Variants in GRIA3 observed in about 807,000 individuals in gnomAD.
The protein encoded by GRIA3 is glutamate receptor 3.
GRIA3 carries 3 observed loss-of-function variants against 63.0 expected under a neutral mutation model. The ratio of observed to expected loss-of-function variants is 0.05; its 90% CI spans 0.02 to 0.12. GRIA3 has a LOEUF of 0.12. GRIA3 is among the 10% of genes least tolerant of loss of function. The pLI is 1.00. For missense variants in GRIA3, 347 were observed against 700.9 expected, an observed-to-expected ratio of 0.50 and a Z score of 5.70; for synonymous variants, 274 against 257.9, an observed-to-expected ratio of 1.06 and a Z score of -0.60.
intron 3 of GRIA3, among the ~76,000 whole-genome samples, chrX:123,289,674 C>G (rs2044643871): frequency 9.1e-6 from 1 of 109,701 alleles, no homozygotes; most frequent in African/African-American, 3.3e-5. Context: ...CCACCACTTC[C>G]CCTTTCCTGC....
intron 2 of GRIA3, among the ~76,000 whole-genome samples, chrX:123,222,260 TA>T (rs2147266027): frequency 8.9e-6 from 1 of 112,066 alleles, no homozygotes; most frequent in South Asian, 3.7e-4. Context: ...GCACAGTACT[TA>T]ACACATAGCA....
At chrX:123,194,613 A>AATCAC (rs1368681447) in intron 2 of GRIA3, among the ~76,000 whole-genome samples, 1 of 112,310 alleles carries the variant, frequency 8.9e-6, no homozygotes, top group African/African-American at 3.2e-5. Context: ...CTTGCTTTAG[A>AATCAC]ATCACCAGAG....
intron 3 of GRIA3, among the ~76,000 whole-genome samples, chrX:123,273,415 C>CA (rs2044535380): frequency 8.9e-6 from 1 of 111,830 alleles, no homozygotes; most frequent in African/African-American, 3.3e-5. Flanking sequence ...AATTCCAAGG[C>CA]AAAAATCATT....
chrX:123,413,838 T>A (rs759899915), intron 10 of GRIA3, among the ~76,000 whole-genome samples: 1 of 111,088 alleles, frequency 9.0e-6, no homozygotes, highest in Non-Finnish European at 1.9e-5. Flanking sequence ...CTCTGAATAG[T>A]CCCTTGGGGT....
At chrX:123,427,618 A>T (rs1343014144) in intron 11 of GRIA3, among the ~76,000 whole-genome samples, 1 of 111,625 alleles carries the variant, frequency 9.0e-6, no homozygotes, top group African/African-American at 3.3e-5. Context: ...TGAAGCTGGA[A>T]GATAGCTAGA....
chrX:123,428,210 G>A, intron 12 of GRIA3, 71 bp downstream of exon 12: 1 of 703,097 alleles, frequency 1.4e-6, no homozygotes, highest in Non-Finnish European at 2.3e-6. Flanking sequence ...CAAGTTCACA[G>A]TGCTTTTAAG....
rs747254679 is a variant in GRIA3 at position 123,257,105 on chromosome X, C to T, written c.508+3563C>T. On this transcript the variant is annotated intron_variant, in intron 3 of 15. Coordinates refer to ENST00000620443, the MANE Select transcript of GRIA3 (RefSeq NM_007325.5). ...GCCTACCTCTAAACACCCACAGAAC[C>T]CTTCTGTCCATGTCATTCATCTGGC... Among the ~76,000 whole-genome samples, 8 of 111,093 alleles carry T rather than the reference C, an allele frequency of 7.2e-5. No homozygotes were observed. In the South Asian group the frequency reaches 1.2e-3, roughly 16 times the overall value.
intron 2 of GRIA3, among the ~76,000 whole-genome samples, chrX:123,200,588 TATACACACACACACATACATACAC>T (rs1342480832): frequency 8.8e-5 from 8 of 91,355 alleles, no homozygotes; most frequent in Admixed American, 2.6e-4. Flanking sequence ...TATATATACA[TATACACACACACACATACATACAC>T]ACACACACAC....
At position 123,403,395 on chromosome X, in the gene GRIA3, A is replaced by G. The variant is rs753675732; in HGVS notation, c.1186-17A>G. The G allele has an allele frequency of 1.3e-5, 14 of 1,049,735 alleles. No individual in the cohort carries two copies. The highest frequency in any genetic ancestry group is 1.8e-5 in the African/African-American group (1 of 54,303). 86.5% of individuals were successfully genotyped at this position (1,049,735 alleles called of 1,213,427 possible). A position where few individuals can be genotyped will look rare whatever the true frequency, so the allele number is the denominator to read the frequency against. Reference sequence around the variant, plus strand: ...AGGGAAAAATAGGCATCCAGGTCAAATGTCTTCTCTTTCTAGGCTGGCTAC... The same window carrying G: ...AGGGAAAAATAGGCATCCAGGTCAAGTGTCTTCTCTTTCTAGGCTGGCTAC... On this transcript the variant is annotated splice_polypyrimidine_tract_variant and intron_variant, in intron 8 of 15. Transcript: ENST00000620443.
intron 4 of GRIA3, among the ~76,000 whole-genome samples, chrX:123,350,342 G>C (rs760299994): frequency 9.0e-6 from 1 of 110,517 alleles, no homozygotes; most frequent in South Asian, 3.9e-4. Flanking sequence ...AGATACTTAG[G>C]TCTACAAATA....
chrX:123,453,446 T>C lies in GRIA3; in HGVS notation c.2077-11419T>C, dbSNP rs1396278560. On this transcript the variant is annotated intron_variant, in intron 12 of 15. Coordinates refer to ENST00000620443, the MANE Select transcript of GRIA3 (RefSeq NM_007325.5). The stretch of plus-strand genomic sequence containing the variant: ...TAGGAGATATACCTAATGTAAATGA[T>C]GAGTTAATGGGTGCAGCACACCAAC... Among the ~76,000 whole-genome samples, 49 of 110,563 alleles carry C rather than the reference T, an allele frequency of 4.4e-4. 2 individuals are homozygous for C. Among genetic ancestry groups the C allele is most frequent in the Admixed American group, 4.2e-3 (44 of 10,424 alleles).
chrX:123,455,594 A>G (rs1346052617), intron 12 of GRIA3, among the ~76,000 whole-genome samples: 1 of 111,628 alleles, frequency 9.0e-6, no homozygotes, highest in African/African-American at 3.3e-5. Flanking sequence ...TTACATGGTG[A>G]AGTATGGACA....
chrX:123,234,729 A>G (rs2044293441), intron 2 of GRIA3, among the ~76,000 whole-genome samples: 1 of 112,067 alleles, frequency 8.9e-6, no homozygotes, highest in African/African-American at 3.2e-5. Flanking sequence ...ATAAGGAGAT[A>G]TAATAAAATA....
At chrX:123,404,572 G>T in intron 9 of GRIA3, 136 bp from the exon 10 acceptor site, 4 of 439,166 alleles carry the variant, frequency 9.1e-6, no homozygotes, top group Non-Finnish European at 8.1e-6. Context: ...AAGCTCTTCT[G>T]TTTACTAAGT....
intron 9 of GRIA3, among the ~76,000 whole-genome samples, chrX:123,404,449 C>T (rs1243131149): frequency 9.5e-6 from 1 of 105,019 alleles, no homozygotes; most frequent in Non-Finnish European, 1.9e-5. Context: ...ACTGGGCCAT[C>T]TTTCAAACTC....
chrX:123,298,744 C>A (rs190481857), intron 3 of GRIA3, among the ~76,000 whole-genome samples: 397 of 111,370 alleles, frequency 3.6e-3, no homozygotes, highest in Non-Finnish European at 6.1e-3. Flanking sequence ...AATTAGATAC[C>A]ATTTGTCAAT....
chrX:123,325,782 A>C lies in GRIA3; in HGVS notation c.509-244A>C, dbSNP rs5911590. Among the ~76,000 whole-genome samples the C allele has an allele frequency of 0.2, 21,980 of 111,042 alleles. 1,727 individuals are homozygous for C. Among genetic ancestry groups the C allele is most frequent in the Non-Finnish European group, 0.22 (11,765 of 52,918 alleles). On this transcript the variant is annotated intron_variant, in intron 3 of 15. Transcript: ENST00000620443. Reference sequence around the variant, plus strand: ...TAAAAACAATTAGATAATATAATTCAGCTGTGAGCTCTCATGTAGCCACTT... The same window carrying C: ...TAAAAACAATTAGATAATATAATTCCGCTGTGAGCTCTCATGTAGCCACTT...
chrX:123,304,026 C>T (rs148124766), intron 3 of GRIA3, among the ~76,000 whole-genome samples: 1,467 of 106,047 alleles, frequency 0.014, 15 homozygotes, highest in Non-Finnish European at 0.021. Flanking sequence ...ACACATTTAG[C>T]CAGTTGCCTC....
At chrX:123,420,014 C>A (rs1460031435) in intron 11 of GRIA3, among the ~76,000 whole-genome samples, 1 of 112,034 alleles carries the variant, frequency 8.9e-6, no homozygotes, top group African/African-American at 3.2e-5. Context: ...CAAACTTAGT[C>A]TAAACCTAAA....
Sources: allele counts gnomAD v4.1 joint callset (sites outside exome capture counted in the v4.1 genomes callset), GRCh38; gene constraint gnomAD v4.1.1; transcripts MANE v1.5; gene names NCBI Gene and HGNC (gene_info 2026-07-23, HGNC 2026-07-21).